MAN1A1: variants seen among roughly 807,000 people sequenced by gnomAD.
MAN1A1 encodes the protein mannosyl-oligosaccharide 1,2-alpha-mannosidase IA.
MAN1A1 carries 29 observed loss-of-function variants against 70.8 expected under a neutral mutation model. The ratio of observed to expected loss-of-function variants is 0.41; its 90% CI spans 0.31 to 0.56. MAN1A1 has a LOEUF of 0.56. Among genes scored for constraint, MAN1A1 ranks in the 20% least tolerant of loss-of-function variants. The pLI is 0.29. For synonymous variants in MAN1A1, 349 were observed against 330.1 expected (o/e 1.06, Z -0.62); for missense variants, 747 against 841.3 (o/e 0.89, Z 1.39).
intron 5 of MAN1A1, among the ~76,000 whole-genome samples, chr6:119,271,774 GA>G (rs1448874581): frequency 8.5e-5 from 13 of 152,210 alleles, no homozygotes; most frequent in African/African-American, 3.1e-4. Context: ...AAAATGCTGG[GA>G]TTACAGGCAT....
intron 5 of MAN1A1, among the ~76,000 whole-genome samples, chr6:119,264,068 T>C (rs1186967365): frequency 6.6e-6 from 1 of 152,236 alleles, no homozygotes; most frequent in East Asian, 1.9e-4. Flanking sequence ...AAAAGAATTC[T>C]GCTCATTGTA....
intron 5 of MAN1A1, among the ~76,000 whole-genome samples, chr6:119,274,357 A>T (rs987963206): frequency 1.3e-5 from 2 of 152,134 alleles, no homozygotes; most frequent in African/African-American, 4.8e-5. Context: ...AAATTCATTA[A>T]AGTGCTGTCA....
At chr6:119,180,727 T>C (rs1211203277) in intron 11 of MAN1A1, among the ~76,000 whole-genome samples, 1 of 152,106 alleles carries the variant, frequency 6.6e-6, no homozygotes, top group Non-Finnish European at 1.5e-5. Flanking sequence ...TTGCCCATGG[T>C]TGTCTCAAAC....
At chr6:119,277,391 G>C (rs759966365) in intron 5 of MAN1A1, among the ~76,000 whole-genome samples, 4 of 152,088 alleles carry the variant, frequency 2.6e-5, no homozygotes, top group Non-Finnish European at 5.9e-5. Flanking sequence ...GATATCACAA[G>C]AAAGTCTGGC....
At chr6:119,207,242 C>T (rs1468855395) in intron 6 of MAN1A1, among the ~76,000 whole-genome samples, 1 of 152,042 alleles carries the variant, frequency 6.6e-6, no homozygotes, top group Non-Finnish European at 1.5e-5. Flanking sequence ...TTTTCTGTCA[C>T]CACCCCCCCA....
At chr6:119,290,834 C>G in intron 4 of MAN1A1, 71 bp from the exon 5 acceptor site, 1 of 950,696 alleles carries the variant, frequency 1.1e-6, no homozygotes, top group Non-Finnish European at 1.7e-6. Flanking sequence ...ATAAATTATA[C>G]TAAATACTTA....
chr6:119,241,343 C>A (rs1213857753), intron 6 of MAN1A1, among the ~76,000 whole-genome samples: 1 of 152,178 alleles, frequency 6.6e-6, no homozygotes, highest in East Asian at 1.9e-4. Flanking sequence ...AACAGTGGAC[C>A]TGGCTGCCTC....
At chr6:119,228,836 T>C (rs1774593855) in intron 6 of MAN1A1, among the ~76,000 whole-genome samples, 1 of 152,188 alleles carries the variant, frequency 6.6e-6, no homozygotes, top group South Asian at 2.1e-4. Context: ...GGCCCTTATA[T>C]AGCGGCCCAT....
intron 6 of MAN1A1, among the ~76,000 whole-genome samples, chr6:119,222,216 G>A (rs1172891423): frequency 1.3e-5 from 2 of 151,754 alleles, no homozygotes; most frequent in Non-Finnish European, 2.9e-5. Context: ...TTATATTTTG[G>A]CTAATATAAA....
intron 2 of MAN1A1, among the ~76,000 whole-genome samples, chr6:119,320,431 G>A (rs76048292): frequency 0.012 from 1,799 of 152,170 alleles, 17 homozygotes; most frequent in Non-Finnish European, 0.02. Flanking sequence ...ATGTACTATT[G>A]CCCCAATTTG....
chr6:119,332,480 T>C (rs1381292859), intron 2 of MAN1A1, among the ~76,000 whole-genome samples: 1 of 152,218 alleles, frequency 6.6e-6, no homozygotes, highest in Non-Finnish European at 1.5e-5. Context: ...ATTGCTGTTG[T>C]TATTCATAAA....
chr6:119,203,422 CAA>C (rs1240843011), intron 7 of MAN1A1, among the ~76,000 whole-genome samples: 1 of 151,942 alleles, frequency 6.6e-6, no homozygotes, highest in Non-Finnish European at 1.5e-5. Context: ...GGTGAGGAGA[CAA>C]AGGGGAGAAT....
intron 2 of MAN1A1, among the ~76,000 whole-genome samples, chr6:119,347,796 G>A (rs1048538748): frequency 2.6e-5 from 4 of 152,204 alleles, no homozygotes; most frequent in Non-Finnish European, 5.9e-5. Flanking sequence ...TGTTTATCCT[G>A]GATTAACTTT....
chr6:119,224,171 A>G (rs1379696160), intron 6 of MAN1A1, among the ~76,000 whole-genome samples: 2 of 152,186 alleles, frequency 1.3e-5, no homozygotes, highest in African/African-American at 2.4e-5. Context: ...AAGACATGCT[A>G]TAAGGGAGAC....
intron 5 of MAN1A1, among the ~76,000 whole-genome samples, chr6:119,256,776 C>A (rs1295610703): frequency 6.6e-6 from 1 of 152,130 alleles, no homozygotes; most frequent in Non-Finnish European, 1.5e-5. Context: ...CTCGATAAGA[C>A]ACTTCCTGAG....
intron 5 of MAN1A1, among the ~76,000 whole-genome samples, chr6:119,284,653 T>A (rs1776313326): frequency 6.6e-6 from 1 of 152,212 alleles, no homozygotes; most frequent in Non-Finnish European, 1.5e-5. Flanking sequence ...TTTTTAAGTA[T>A]AACTCTGGCT....
intron 5 of MAN1A1, among the ~76,000 whole-genome samples, chr6:119,263,638 A>G (rs1228397722): frequency 6.6e-6 from 1 of 152,196 alleles, no homozygotes; most frequent in Non-Finnish European, 1.5e-5. Context: ...AAACCTGCAC[A>G]TGTATCTCTG....
Position 119,328,592 on chromosome 6 carries a change from G to A in MAN1A1, c.603+19871C>T, listed in dbSNP as rs140843199. On this transcript the variant is annotated intron_variant, in intron 2 of 12. Transcript: ENST00000368468. ...CTGTTCAGGGGATAAGAACAGGCAAGAATTTATGGAATGAATAAGATTTAA... is the reference window on the plus strand; with the variant it reads ...CTGTTCAGGGGATAAGAACAGGCAAAAATTTATGGAATGAATAAGATTTAA... 2.0e-4 allele frequency among the ~76,000 whole-genome samples: 30 copies of A among 152,306 alleles called. No homozygotes were observed. In the East Asian group the frequency reaches 5.0e-3, roughly 25 times the overall value.
chr6:119,180,807 C>T (rs11967806), intron 11 of MAN1A1, among the ~76,000 whole-genome samples: 26,111 of 151,972 alleles, frequency 0.17, 2,701 homozygotes, highest in East Asian at 0.3. Context: ...AGCCACTGTG[C>T]CCAGTCAAAA....
Sources: gnomAD v4.1 joint callset for allele counts (sites outside exome capture counted in the v4.1 genomes callset) on GRCh38, gnomAD v4.1.1 for gene constraint, MANE v1.5 for transcripts, NCBI Gene and HGNC (gene_info 2026-07-23, HGNC 2026-07-21) for gene names.